The following BBS9 variants were observed in gnomAD, a reference collection of about 807,000 sequenced individuals.
The protein encoded by BBS9 is protein PTHB1.
Under a neutral mutation model 117.7 loss-of-function variants are expected in BBS9, and 89 were observed. That is an observed-to-expected ratio of 0.76 (90% CI 0.64 to 0.90). The LOEUF is 0.90. BBS9 is among the 40% of genes least tolerant of loss of function. The pLI is 0.00. For synonymous variants in BBS9, 379 were observed against 370.9 expected (o/e 1.02, Z -0.25); for missense variants, 982 against 1,042.2 (o/e 0.94, Z 0.80).
intron 20 of BBS9, among the ~76,000 whole-genome samples, chr7:33,509,075 T>C (rs1299456827): frequency 1.3e-5 from 2 of 152,194 alleles, no homozygotes; most frequent in Non-Finnish European, 2.9e-5. Flanking sequence ...AAGGTATGTA[T>C]ACTCATTATG....
At chr7:33,155,536 C>T in intron 3 of BBS9, 102 bp from the exon 4 acceptor site, 2 of 732,436 alleles carry the variant, frequency 2.7e-6, no homozygotes, top group Non-Finnish European at 4.8e-6. Context: ...TGTTTACTCA[C>T]AGTGGCTGTG....
At chr7:33,197,345 T>G (rs1785111853) in intron 5 of BBS9, among the ~76,000 whole-genome samples, 1 of 152,100 alleles carries the variant, frequency 6.6e-6, no homozygotes, top group South Asian at 2.1e-4. Flanking sequence ...CATGAACTAC[T>G]TTATTCAAGT....
intron 19 of BBS9, among the ~76,000 whole-genome samples, chr7:33,402,666 C>T (rs1829105094): frequency 6.6e-6 from 1 of 152,112 alleles, no homozygotes; most frequent in South Asian, 2.1e-4. Context: ...ATCAGTTTTC[C>T]TCAGTGGTTG....
chr7:33,392,477 T>G (rs1223328780), intron 19 of BBS9, among the ~76,000 whole-genome samples: 1 of 152,206 alleles, frequency 6.6e-6, no homozygotes, highest in Admixed American at 6.5e-5. Flanking sequence ...GGTGACTATA[T>G]GTCCCAATGC....
chr7:33,204,094 A>C (rs1203339262), intron 5 of BBS9, among the ~76,000 whole-genome samples: 1 of 150,512 alleles, frequency 6.6e-6, no homozygotes, highest in Non-Finnish European at 1.5e-5. Context: ...GAAATACAAC[A>C]TATCTTGGAT....
At chr7:33,162,558 G>T (rs1431175431) in intron 4 of BBS9, among the ~76,000 whole-genome samples, 1 of 152,112 alleles carries the variant, frequency 6.6e-6, no homozygotes, top group Non-Finnish European at 1.5e-5. Flanking sequence ...TCCCTTGTAA[G>T]TTGGATTCTT....
intron 9 of BBS9, among the ~76,000 whole-genome samples, chr7:33,326,097 A>C (rs1812769313): frequency 6.6e-6 from 1 of 152,130 alleles, no homozygotes; most frequent in Non-Finnish European, 1.5e-5. Context: ...CTGTGGCCCC[A>C]GGCGGGTCCA....
chr7:33,531,184 G>T (rs767426843), intron 20 of BBS9, among the ~76,000 whole-genome samples: 4 of 152,206 alleles, frequency 2.6e-5, no homozygotes, highest in Admixed American at 6.5e-5. Flanking sequence ...GGAGGAAGTT[G>T]CAGTGAGCTG....
chr7:33,163,344 T>C (rs1029845970), intron 4 of BBS9, among the ~76,000 whole-genome samples: 1 of 152,216 alleles, frequency 6.6e-6, no homozygotes, highest in African/African-American at 2.4e-5. Context: ...GCTGGCCTCA[T>C]AAAAACAGTT....
intron 19 of BBS9, among the ~76,000 whole-genome samples, chr7:33,437,014 A>G (rs1835397083): frequency 6.6e-6 from 1 of 152,186 alleles, no homozygotes; most frequent in African/African-American, 2.4e-5. Flanking sequence ...GAAATTTAAT[A>G]TATGATTTAA....
chr7:33,422,183 C>G (rs1235639471), intron 19 of BBS9, among the ~76,000 whole-genome samples: 1 of 152,024 alleles, frequency 6.6e-6, no homozygotes, highest in Non-Finnish European at 1.5e-5. Context: ...ATATAGTTAA[C>G]TCTGGTTGCT....
rs539968865 is a variant in BBS9, at chr7:33,134,046, T to C, written c.-12+4005T>C. Among the ~76,000 whole-genome samples, 4 of 152,256 alleles carry C rather than the reference T, an allele frequency of 2.6e-5. No individual in the cohort carries two copies. In the East Asian group the frequency reaches 5.8e-4, roughly 22 times the overall value. Reference sequence around the variant, plus strand: ...TGATTTGTGTTTCCCTAATGACTAATTATGCTGAGCATTTTTTTTTTGAAA... The same window carrying C: ...TGATTTGTGTTTCCCTAATGACTAACTATGCTGAGCATTTTTTTTTTGAAA... On this transcript the variant is annotated intron_variant, in intron 1 of 22. Coordinates refer to ENST00000242067, the MANE Select transcript of BBS9 (RefSeq NM_198428.3).
chr7:33,389,703 A>T (rs1044111570), intron 19 of BBS9, among the ~76,000 whole-genome samples: 4 of 151,608 alleles, frequency 2.6e-5, no homozygotes, highest in Admixed American at 2.6e-4. Context: ...AAAAAAAAAA[A>T]AAAAAAAAAA....
chr7:33,436,307 A>T (rs903392335), intron 19 of BBS9, among the ~76,000 whole-genome samples: 1 of 152,192 alleles, frequency 6.6e-6, no homozygotes, highest in Non-Finnish European at 1.5e-5. Context: ...GCATTGTGAA[A>T]TAAGTGTGTT....
chr7:33,505,894 A>T (rs1260012326), intron 20 of BBS9, among the ~76,000 whole-genome samples: 1 of 152,246 alleles, frequency 6.6e-6, no homozygotes, highest in Non-Finnish European at 1.5e-5. Context: ...TGTGTTCTTC[A>T]ATCACTTAGA....
chr7:33,249,921 A>G (rs1408506245), intron 5 of BBS9, among the ~76,000 whole-genome samples: 1 of 152,086 alleles, frequency 6.6e-6, no homozygotes, highest in Non-Finnish European at 1.5e-5. Flanking sequence ...TTTGACTGCT[A>G]TTCACTCTGC....
At chr7:33,576,104 G>A (rs1266591568) in intron 21 of BBS9, among the ~76,000 whole-genome samples, 1 of 152,174 alleles carries the variant, frequency 6.6e-6, no homozygotes, top group Non-Finnish European at 1.5e-5. Flanking sequence ...TAGGAAAAAA[G>A]GAAGTCAAAT....
At chr7:33,428,314 C>T (rs1463488430) in intron 19 of BBS9, among the ~76,000 whole-genome samples, 1 of 151,964 alleles carries the variant, frequency 6.6e-6, no homozygotes, top group Non-Finnish European at 1.5e-5. Flanking sequence ...GTCAATATGC[C>T]GAATTCAAAT....
chr7:33,590,912 G>A (rs998155037), intron 21 of BBS9, among the ~76,000 whole-genome samples: 1 of 151,980 alleles, frequency 6.6e-6, no homozygotes, highest in African/African-American at 2.4e-5. Context: ...TGACGGTTTA[G>A]CTCCAGAGGC....
Sources: allele counts gnomAD v4.1 joint callset (sites outside exome capture counted in the v4.1 genomes callset), GRCh38; gene constraint gnomAD v4.1.1; transcripts MANE v1.5; gene names NCBI Gene and HGNC (gene_info 2026-07-23, HGNC 2026-07-21).